PEX5L: variants seen among roughly 807,000 people sequenced by gnomAD.
PEX5L encodes PEX5-related protein.
PEX5L carries 30 observed loss-of-function variants against 84.0 expected under a neutral mutation model. The observed-to-expected ratio is 0.36, with a 90% CI of 0.27 to 0.48. PEX5L has a LOEUF of 0.48. Ranked by LOEUF, PEX5L falls within the 20% of genes least tolerant of loss-of-function variation. PEX5L has a pLI of 0.99. For synonymous variants in PEX5L, 270 were observed against 283.1 expected, an observed-to-expected ratio of 0.95 and a Z score of 0.46; for missense variants, 533 against 754.6, an observed-to-expected ratio of 0.71 and a Z score of 3.44.
intron 3 of PEX5L, among the ~76,000 whole-genome samples, chr3:179,890,877 G>A (rs1386457738): frequency 6.6e-6 from 1 of 151,540 alleles, no homozygotes; most frequent in Non-Finnish European, 1.5e-5. Context: ...TAAAATGTTT[G>A]TTAACATCTA....
intron 2 of PEX5L, among the ~76,000 whole-genome samples, chr3:179,902,945 T>C (rs1197865628): frequency 6.6e-6 from 1 of 152,132 alleles, no homozygotes; most frequent in Non-Finnish European, 1.5e-5. Flanking sequence ...ATTTTCAAAA[T>C]AGCCCTCCTT....
chr3:179,843,057 T>C (rs955599857), intron 8 of PEX5L, among the ~76,000 whole-genome samples: 8 of 152,010 alleles, frequency 5.3e-5, no homozygotes, highest in African/African-American at 1.2e-4. Context: ...AAAGAAAATA[T>C]ATTCTGATTG....
At chr3:179,866,862 TA>T (rs1748413559) in intron 7 of PEX5L, among the ~76,000 whole-genome samples, 2 of 151,362 alleles carry the variant, frequency 1.3e-5, no homozygotes. Context: ...CTGTCTCTAC[TA>T]AAAACACAAA....
chr3:179,888,199 C>A, intron 3 of PEX5L: 1 of 1,286,632 alleles, frequency 7.8e-7, no homozygotes, highest in Non-Finnish European at 1.0e-6. Context: ...ACTGCTCAGT[C>A]AGTGTTTATG....
intron 9 of PEX5L, among the ~76,000 whole-genome samples, chr3:179,817,115 C>A (rs1360971223): frequency 6.6e-6 from 1 of 152,198 alleles, no homozygotes; most frequent in Non-Finnish European, 1.5e-5. Flanking sequence ...ATTGTCATAG[C>A]TAAGAATTTT....
chr3:179,824,468 G>C (rs1258468491), intron 8 of PEX5L, among the ~76,000 whole-genome samples: 2 of 152,176 alleles, frequency 1.3e-5, no homozygotes, highest in Non-Finnish European at 2.9e-5. Context: ...GACTTTGGGA[G>C]ACTGAGGCAG....
intron 7 of PEX5L, among the ~76,000 whole-genome samples, chr3:179,871,099 ACT>A (rs1491211947): frequency 1.9e-5 from 2 of 105,574 alleles, no homozygotes; most frequent in Non-Finnish European, 3.7e-5. Flanking sequence ...TTTGAGTTAT[ACT>A]TTTTTTTTTT....
chr3:179,953,449 A>C (rs754300439), intron 2 of PEX5L, among the ~76,000 whole-genome samples: 2 of 152,232 alleles, frequency 1.3e-5, no homozygotes, highest in Non-Finnish European at 2.9e-5. Context: ...ATATGAACAG[A>C]CACTTCTCAA....
intron 2 of PEX5L, among the ~76,000 whole-genome samples, chr3:179,938,457 T>A (rs1401417928): frequency 6.6e-6 from 1 of 152,196 alleles, no homozygotes; most frequent in African/African-American, 2.4e-5. Context: ...TATAATTAGA[T>A]CAGCATGATG....
intron 8 of PEX5L, among the ~76,000 whole-genome samples, chr3:179,842,898 G>C (rs147241647): frequency 5.3e-5 from 8 of 152,066 alleles, no homozygotes; most frequent in Non-Finnish European, 8.8e-5. Flanking sequence ...TAAAGATTTG[G>C]CAATGACAGA....
rs199765851 is a variant in PEX5L at position 179,802,051 on chromosome 3, A to G, written c.1677-19T>C. ...CGCTTCTCTAAGAAGGTAGAAAAAC[A>G]TATTTTAAAATGAGTCACATTTCAG... On this transcript the variant is annotated intron_variant, in intron 14 of 14. Transcript: ENST00000467460. 2.2e-4 allele frequency: 330 copies of G among 1,526,888 alleles called. 2 individuals carry two copies. The highest frequency in any genetic ancestry group is 8.7e-4 in the South Asian group (78 of 89,352). 94.6% of individuals were successfully genotyped at this position (1,526,888 alleles called of 1,614,324 possible).
intron 1 of PEX5L, among the ~76,000 whole-genome samples, chr3:179,981,265 T>C (rs1561016278): frequency 6.6e-6 from 1 of 152,100 alleles, no homozygotes; most frequent in Non-Finnish European, 1.5e-5. Flanking sequence ...TTCTTTATGT[T>C]AAGAGCAATG....
At position 180,036,549 on chromosome 3, in the gene PEX5L, A is replaced by G. The variant is rs1305861931; in HGVS notation, c.21+30T>C. The G allele has an allele frequency of 2.5e-6, 4 of 1,610,214 alleles. No individual in the cohort carries two copies. The South Asian group carries it at 3.3e-5, about 13-fold the overall frequency. On this transcript the variant is annotated intron_variant, in intron 1 of 14. Coordinates refer to ENST00000467460, the MANE Select transcript of PEX5L (RefSeq NM_016559.3). ...CTTGCTCTTAAATTAGCCCCCAAGA[A>G]TTCTCTCCAGCCCTATAGAAATGTC...
chr3:179,867,079 G>C (rs1330117135), intron 7 of PEX5L, among the ~76,000 whole-genome samples: 2 of 148,516 alleles, frequency 1.3e-5, no homozygotes, highest in Non-Finnish European at 1.5e-5. Context: ...CACAAAAACT[G>C]TCCCTTGTAT....
chr3:179,985,026 A>G (rs2110344724), intron 1 of PEX5L, among the ~76,000 whole-genome samples: 1 of 152,284 alleles, frequency 6.6e-6, no homozygotes, highest in Middle Eastern at 3.4e-3. Context: ...GGATGGAAAA[A>G]AATAGCTTTT....
At chr3:179,997,832 A>G (rs6792804) in intron 1 of PEX5L, among the ~76,000 whole-genome samples, 4,273 of 152,344 alleles carry the variant, frequency 0.028, 210 homozygotes, top group African/African-American at 0.098. Context: ...ATTCCTGTCC[A>G]TAAGGCCCAC....
At chr3:179,839,304 A>C (rs6766290) in intron 8 of PEX5L, among the ~76,000 whole-genome samples, 5,230 of 152,276 alleles carry the variant, frequency 0.034, 264 homozygotes, top group African/African-American at 0.11. Context: ...CTTTAAATAC[A>C]CTGTAATTCA....
intron 2 of PEX5L, among the ~76,000 whole-genome samples, chr3:179,925,987 C>A (rs1691912447): frequency 6.6e-6 from 1 of 152,058 alleles, no homozygotes; most frequent in South Asian, 2.1e-4. Flanking sequence ...GATTTAAAAC[C>A]AATCTCCCCC....
intron 3 of PEX5L, among the ~76,000 whole-genome samples, chr3:179,896,425 G>A (rs1221115672): frequency 6.6e-6 from 1 of 152,070 alleles, no homozygotes; most frequent in African/African-American, 2.4e-5. Flanking sequence ...ACATTAGACA[G>A]GGATTAAAGG....
Sources: allele counts gnomAD v4.1 joint callset (sites outside exome capture counted in the v4.1 genomes callset), GRCh38; gene constraint gnomAD v4.1.1; transcripts MANE v1.5; gene names NCBI Gene and HGNC (gene_info 2026-07-23, HGNC 2026-07-21).